RAPGEF6: variants seen among roughly 807,000 people sequenced by gnomAD.
RAPGEF6 encodes PDZ domain containing guanine nucleotide exchange factor (GEF) 2.
Under a neutral mutation model 171.4 loss-of-function variants are expected in RAPGEF6, and 56 were observed. That is an observed-to-expected ratio of 0.33 (90% CI 0.26 to 0.41). RAPGEF6 has a LOEUF of 0.41. Ranked by LOEUF, RAPGEF6 falls within the 10% of genes least tolerant of loss-of-function variation. RAPGEF6 has a pLI of 1.00. For missense variants in RAPGEF6, 1,674 were observed against 1,921.4 expected (o/e 0.87, Z 2.41); for synonymous variants, 692 against 650.1 (o/e 1.06, Z -0.98).
intron 4 of RAPGEF6, among the ~76,000 whole-genome samples, chr5:131,563,222 C>T (rs1046927353): frequency 6.6e-6 from 1 of 151,774 alleles, no homozygotes; most frequent in East Asian, 1.9e-4. Context: ...ATAAATATTA[C>T]TCCAAAATAA....
intron 5 of RAPGEF6, among the ~76,000 whole-genome samples, chr5:131,549,907 C>T (rs1412214777): frequency 6.6e-6 from 1 of 152,058 alleles, no homozygotes; most frequent in Non-Finnish European, 1.5e-5. Flanking sequence ...GTGTTGTTCC[C>T]CTCTATGTGT....
intron 1 of RAPGEF6, among the ~76,000 whole-genome samples, chr5:131,612,932 G>T (rs1765022913): frequency 6.6e-6 from 1 of 152,120 alleles, no homozygotes. Context: ...AGATATACAT[G>T]TATCTTCAGT....
intron 3 of RAPGEF6, among the ~76,000 whole-genome samples, chr5:131,600,646 G>A (rs1197928975): frequency 6.7e-6 from 1 of 149,380 alleles, no homozygotes; most frequent in Admixed American, 6.7e-5. Flanking sequence ...AGGGAGCGAA[G>A]GAAGGAAGGA....
rs568196158 is a variant in RAPGEF6, at chr5:131,502,959, T to C, written c.1254+1667A>G. Among the ~76,000 whole-genome samples, 32 of 152,146 alleles carry C rather than the reference T, an allele frequency of 2.1e-4. No individual in the cohort carries two copies. In the South Asian group the frequency reaches 6.6e-3, roughly 32 times the overall value. On this transcript the variant is annotated intron_variant, in intron 11 of 27. Transcript: ENST00000509018. ...GATTGATTACAGGCGGCCACCACCATGCCTAGCTAATTTTTGTATTTTTAG... is the reference window on the plus strand; with the variant it reads ...GATTGATTACAGGCGGCCACCACCACGCCTAGCTAATTTTTGTATTTTTAG...
In RAPGEF6 at chr5:131,495,584, A is replaced by G. The variant is rs1486844081; in HGVS notation, c.1496T>C (p.Leu499Pro). The change falls in exon 13 of 28, where the codon CTA (leucine) becomes CCA (proline). Residue 499 changes from leucine (L) to proline (P), a missense_variant. Coordinates refer to ENST00000509018, the MANE Select transcript of RAPGEF6 (RefSeq NM_016340.6). ...TTCCAGATTTTTTTCAAATTCCTCT[A>G]GAAATCGAGTCATAGCAGGGTCACC... ...FEGDPAMTRFLEEFEKNLEDT... is the reference protein window; with the variant it reads ...FEGDPAMTRFPEEFEKNLEDT... The G allele has an allele frequency of 6.2e-7, 1 of 1,613,802 alleles. No homozygotes were observed. The highest frequency in any genetic ancestry group is 1.7e-5 in the Admixed American group (1 of 60,008).
rs1372864122 is a variant in RAPGEF6 at position 131,433,581 on chromosome 5, T to G, written c.3823A>C (p.Ile1275Leu). The change falls in exon 25 of 28, where the codon ATC becomes CTC. Residue 1275 changes from isoleucine to leucine, a missense_variant. Coordinates refer to ENST00000509018, the MANE Select transcript of RAPGEF6 (RefSeq NM_016340.6). ...GAGTCAACAGAACAATTGCTCACGA[T>G]GCTGGACCGTGAAGAAATCTCACTA... ...SHSEISSRSS[I>L]VSNCSVDSMS... 1 of 1,613,912 alleles carries G rather than the reference T, an allele frequency of 6.2e-7. No individual in the cohort carries two copies. The highest frequency in any genetic ancestry group is 1.7e-5 in the Admixed American group (1 of 60,018).
intron 21 of RAPGEF6, chr5:131,449,946 T>A: frequency 7.2e-7 from 1 of 1,386,272 alleles, no homozygotes; most frequent in South Asian, 1.2e-5. Context: ...TTTATGTGCG[T>A]GCATTAATGA....
At chr5:131,570,023 C>G (rs1442284980) in intron 4 of RAPGEF6, among the ~76,000 whole-genome samples, 1 of 107,454 alleles carries the variant, frequency 9.3e-6, no homozygotes, top group Non-Finnish European at 1.7e-5. Context: ...ACCTGCGGAG[C>G]AGAGCAAGAC....
At chr5:131,529,536 C>T (rs1351208190) in intron 6 of RAPGEF6, among the ~76,000 whole-genome samples, 1 of 151,482 alleles carries the variant, frequency 6.6e-6, no homozygotes, top group African/African-American at 2.4e-5. Context: ...TGCGAGAGTA[C>T]TACTCCAAAA....
intron 1 of RAPGEF6, among the ~76,000 whole-genome samples, chr5:131,610,247 A>T (rs777353316): frequency 6.6e-5 from 10 of 152,162 alleles, no homozygotes; most frequent in African/African-American, 9.7e-5. Context: ...CCATTCCTAC[A>T]GCTATGGACT....
intron 1 of RAPGEF6, among the ~76,000 whole-genome samples, chr5:131,633,208 T>C (rs187727698): frequency 2.0e-5 from 3 of 152,226 alleles, no homozygotes; most frequent in Admixed American, 2.0e-4. Context: ...GGCGTGTGCC[T>C]GTAATCTCAG....
At chr5:131,492,525 C>A in intron 14 of RAPGEF6, 57 bp downstream of exon 14, 1 of 1,524,612 alleles carries the variant, frequency 6.6e-7, no homozygotes, top group African/African-American at 1.4e-5. Flanking sequence ...AGAACAAAAG[C>A]AGCAGGCATA....
chr5:131,614,038 T>C (rs1356625050), intron 1 of RAPGEF6, among the ~76,000 whole-genome samples: 1 of 152,016 alleles, frequency 6.6e-6, no homozygotes, highest in African/African-American at 2.4e-5. Flanking sequence ...TCCCAGCATT[T>C]TGGGAGACTG....
intron 3 of RAPGEF6, among the ~76,000 whole-genome samples, chr5:131,600,975 A>T (rs922544319): frequency 6.6e-6 from 1 of 151,756 alleles, no homozygotes; most frequent in Non-Finnish European, 1.5e-5. Context: ...GAGCAAAAAG[A>T]GCTGGGTGTA....
At chr5:131,611,954 C>T (rs1764957586) in intron 1 of RAPGEF6, among the ~76,000 whole-genome samples, 1 of 152,154 alleles carries the variant, frequency 6.6e-6, no homozygotes, top group African/African-American at 2.4e-5. Flanking sequence ...CAGTCCCCAT[C>T]TTACAATGGT....
intron 1 of RAPGEF6, among the ~76,000 whole-genome samples, chr5:131,612,859 G>A (rs1413530750): frequency 3.3e-5 from 5 of 152,106 alleles, no homozygotes; most frequent in African/African-American, 9.7e-5. Context: ...GAATATATGA[G>A]AAAGAATTAG....
intron 4 of RAPGEF6, among the ~76,000 whole-genome samples, chr5:131,582,412 C>T (rs1763019182): frequency 6.6e-6 from 1 of 152,088 alleles, no homozygotes; most frequent in Non-Finnish European, 1.5e-5. Context: ...AAAATTAGAT[C>T]CACACCTCAT....
intron 25 of RAPGEF6, among the ~76,000 whole-genome samples, chr5:131,431,891 C>T (rs6596023): frequency 0.14 from 21,426 of 151,996 alleles, 3,597 homozygotes; most frequent in African/African-American, 0.41. Flanking sequence ...TAGACTACTG[C>T]GTCCATGCAT....
At chr5:131,597,313 TAA>T (rs80160807) in intron 3 of RAPGEF6, among the ~76,000 whole-genome samples, 7 of 137,990 alleles carry the variant, frequency 5.1e-5, no homozygotes, top group African/African-American at 1.1e-4. Context: ...TGGAGGTTAC[TAA>T]AAAAAAAAAA....
Sources: allele counts gnomAD v4.1 joint callset (sites outside exome capture counted in the v4.1 genomes callset), GRCh38; gene constraint gnomAD v4.1.1; transcripts MANE v1.5; gene names NCBI Gene and HGNC (gene_info 2026-07-23, HGNC 2026-07-21).